Variants in NPAS3 observed in about 807,000 individuals in gnomAD.
NPAS3 encodes neuronal PAS domain-containing protein 3.
Under a neutral mutation model 73.1 loss-of-function variants are expected in NPAS3, and 14 were observed. The observed-to-expected ratio is 0.19, with a 90% CI of 0.13 to 0.30. NPAS3 has a LOEUF of 0.30. Ranked by LOEUF, NPAS3 falls within the 10% of genes least tolerant of loss-of-function variation. NPAS3 has a pLI of 1.00. For missense variants in NPAS3, 1,096 were observed against 1,250.0 expected (o/e 0.88, Z 1.86); for synonymous variants, 620 against 541.5 (o/e 1.14, Z -2.01).
chr14:32,973,966 C>A (rs2037546854), intron 1 of NPAS3, among the ~76,000 whole-genome samples: 1 of 152,168 alleles, frequency 6.6e-6, no homozygotes, highest in South Asian at 2.1e-4. Flanking sequence ...CTGTATAAAA[C>A]TATATTTTCT....
rs539034360 is a variant in NPAS3 at position 33,129,904 on chromosome 14, T to G, written c.140+73910T>G. ...ACTGGGTGTTTTTAACTCCTTGAAC[T>G]GAGATCAATATATTTTACTCACAGT... On this transcript the variant is annotated intron_variant, in intron 2 of 11. Transcript: ENST00000356141. Among the ~76,000 whole-genome samples the G allele has an allele frequency of 4.6e-5, 7 of 152,316 alleles. No homozygotes were observed. The South Asian group carries it at 1.0e-3, about 23-fold the overall frequency.
At chr14:33,019,718 G>C (rs145548775) in intron 1 of NPAS3, among the ~76,000 whole-genome samples, 1 of 152,134 alleles carries the variant, frequency 6.6e-6, no homozygotes, top group African/African-American at 2.4e-5. Context: ...ATCAATATTC[G>C]TTTGGAGTGC....
chr14:33,487,350 G>C (rs2051659274), intron 4 of NPAS3, among the ~76,000 whole-genome samples: 2 of 152,076 alleles, frequency 1.3e-5, no homozygotes, highest in South Asian at 4.1e-4. Flanking sequence ...ATGATTATTT[G>C]ATAAGCATTT....
intron 2 of NPAS3, among the ~76,000 whole-genome samples, chr14:33,183,174 C>T (rs955470343): frequency 2.6e-5 from 4 of 152,080 alleles, no homozygotes; most frequent in Admixed American, 2.6e-4. Context: ...GCCTGTAATC[C>T]CAGCACTTTT....
At chr14:33,429,684 G>T (rs1203231686) in intron 4 of NPAS3, among the ~76,000 whole-genome samples, 1 of 152,120 alleles carries the variant, frequency 6.6e-6, no homozygotes, top group Non-Finnish European at 1.5e-5. Flanking sequence ...CATATTTATG[G>T]ATGTATTTGG....
Position 33,218,481 on chromosome 14 carries a change from A to G in NPAS3, c.385+3055A>G, listed in dbSNP as rs937110850. ...ATAACATCAAAAGAAATTCATTTTA[A>G]TTTATTAAGGTCTTCTATGTTGTGC... On this transcript the variant is annotated intron_variant, in intron 3 of 11. Transcript: ENST00000356141. Among the ~76,000 whole-genome samples, 7 of 152,202 alleles carry G rather than the reference A, an allele frequency of 4.6e-5. No individual in the cohort carries two copies. The East Asian group carries it at 1.3e-3, about 29-fold the overall frequency.
At chr14:33,505,472 A>G (rs2052713337) in intron 4 of NPAS3, among the ~76,000 whole-genome samples, 1 of 152,128 alleles carries the variant, frequency 6.6e-6, no homozygotes, top group African/African-American at 2.4e-5. Context: ...CTGAAATAAC[A>G]TATGAGTTAT....
intron 2 of NPAS3, among the ~76,000 whole-genome samples, chr14:33,148,444 C>T (rs1302632286): frequency 2.0e-5 from 3 of 152,076 alleles, no homozygotes; most frequent in South Asian, 2.1e-4. Flanking sequence ...CTGCTTAATA[C>T]GTAGCTAGTC....
At chr14:33,458,954 A>C (rs2050136415) in intron 4 of NPAS3, among the ~76,000 whole-genome samples, 1 of 152,222 alleles carries the variant, frequency 6.6e-6, no homozygotes, top group African/African-American at 2.4e-5. Context: ...AAAGGAATAA[A>C]AGAAGGGCTA....
intron 2 of NPAS3, among the ~76,000 whole-genome samples, chr14:33,143,745 C>G (rs2044143672): frequency 6.6e-6 from 1 of 152,126 alleles, no homozygotes; most frequent in Admixed American, 6.5e-5. Flanking sequence ...CACCCACTGG[C>G]AGCCACAAGT....
At position 33,780,927 on chromosome 14, in the gene NPAS3, G is replaced by A. The variant is rs571444648; in HGVS notation, c.1153+2355G>A. On this transcript the variant is annotated intron_variant, in intron 9 of 11. Coordinates refer to ENST00000356141, the Ensembl canonical transcript of NPAS3. ...ATACCGGCTATTGCTTTATGATTCA[G>A]CCTACTAACAATGATTGGGTTCATT... 6 of 228,728 alleles carry A rather than the reference G, an allele frequency of 2.6e-5. No individual in the cohort carries two copies. The South Asian group carries it at 3.2e-4, about 12-fold the overall frequency. The allele number at this position is 228,728 out of a possible 1,614,324, so 14.2% of individuals were successfully genotyped here. A position where few individuals can be genotyped will look rare whatever the true frequency, so the allele number is the denominator to read the frequency against.
chr14:33,713,980 C>G (rs73258923), intron 6 of NPAS3, among the ~76,000 whole-genome samples: 10,088 of 152,120 alleles, frequency 0.066, 1,037 homozygotes, highest in African/African-American at 0.22. Flanking sequence ...TCCTGGAACA[C>G]TATCTCACCG....
intron 2 of NPAS3, among the ~76,000 whole-genome samples, chr14:33,095,670 ATT>A (rs869237169): frequency 7.0e-5 from 5 of 71,274 alleles, no homozygotes; most frequent in East Asian, 2.8e-4. Flanking sequence ...TTATTTTTTT[ATT>A]TTTTTTTTTT....
chr14:33,199,400 C>T (rs1314229926), intron 2 of NPAS3, among the ~76,000 whole-genome samples: 1 of 152,150 alleles, frequency 6.6e-6, no homozygotes, highest in Non-Finnish European at 1.5e-5. Context: ...CCTCCTGTCC[C>T]TATTGTATGG....
In NPAS3 at chr14:33,241,203, T is replaced by A. The variant is rs562867494; in HGVS notation, c.385+25777T>A. Among the ~76,000 whole-genome samples, 7 of 152,080 alleles carry A rather than the reference T, an allele frequency of 4.6e-5. No individual in the cohort carries two copies. In the East Asian group the frequency reaches 1.3e-3, roughly 29 times the overall value. On this transcript the variant is annotated intron_variant, in intron 3 of 11. Transcript: ENST00000356141. Reference sequence around the variant, plus strand: ...ACTCTGATTTTCTGAAAACTAAGGCTATTGATTTACTTAGGTGTCCTAGAA... The same window carrying A: ...ACTCTGATTTTCTGAAAACTAAGGCAATTGATTTACTTAGGTGTCCTAGAA...
intron 3 of NPAS3, among the ~76,000 whole-genome samples, chr14:33,249,348 ACC>A (rs2048497929): frequency 6.7e-5 from 1 of 14,872 alleles, no homozygotes; most frequent in Admixed American, 1.4e-3. Context: ...CGTCCCCCCC[ACC>A]TTTTTTTTTT....
intron 1 of NPAS3, among the ~76,000 whole-genome samples, chr14:33,006,956 T>C (rs1269079550): frequency 6.6e-6 from 1 of 152,200 alleles, no homozygotes; most frequent in Non-Finnish European, 1.5e-5. Flanking sequence ...TAGAATCTAT[T>C]AGTAATTAAT....
chr14:33,455,353 C>G (rs529258407), intron 4 of NPAS3, among the ~76,000 whole-genome samples: 1 of 152,152 alleles, frequency 6.6e-6, no homozygotes, highest in Non-Finnish European at 1.5e-5. Flanking sequence ...TAAAACTTTG[C>G]TATGGTGCCT....
intron 6 of NPAS3, among the ~76,000 whole-genome samples, chr14:33,694,306 T>C (rs2060314690): frequency 6.6e-6 from 1 of 152,206 alleles, no homozygotes; most frequent in African/African-American, 2.4e-5. Flanking sequence ...ACTCAGAAAG[T>C]GAATTTGACA....
Sources: gnomAD v4.1 joint callset for allele counts (sites outside exome capture counted in the v4.1 genomes callset) on GRCh38, gnomAD v4.1.1 for gene constraint, MANE v1.5 for transcripts, NCBI Gene and HGNC (gene_info 2026-07-23, HGNC 2026-07-21) for gene names.